NPAS4: variants seen among roughly 807,000 people sequenced by gnomAD.
The protein encoded by NPAS4 is neuronal PAS domain protein 4.
A neutral mutation model predicts 64.0 loss-of-function variants in NPAS4; 10 were observed. The ratio of observed to expected loss-of-function variants is 0.16; its 90% CI spans 0.10 to 0.26. The LOEUF (loss-of-function observed/expected upper bound fraction) is 0.26, where lower values mean the gene tolerates loss of function less well. Ranked by LOEUF, NPAS4 falls within the 10% of genes least tolerant of loss-of-function variation. The pLI, the probability that NPAS4 is intolerant of heterozygous loss-of-function variation, is 1.00. For synonymous variants in NPAS4, 441 were observed against 411.7 expected (o/e 1.07, Z -0.86); for missense variants, 886 against 992.6 (o/e 0.89, Z 1.44).
rs1409677021 is a variant in NPAS4, at chr11:66,422,182, G to T, written c.238G>T (p.Ala80Ser). The T allele has an allele frequency of 3.7e-6, 6 of 1,613,892 alleles. No homozygotes were observed. Among genetic ancestry groups the T allele is most frequent in the Non-Finnish European group, 5.1e-6 (6 of 1,179,966 alleles). Reference sequence around the variant, plus strand: ...TCAAGAGCTTGAGGACATCGTAGCGGCACTACCCGGCTTTCTGCTTGTGTT... The same window carrying T: ...TCAAGAGCTTGAGGACATCGTAGCGTCACTACCCGGCTTTCTGCTTGTGTT... The part of the protein sequence containing the change: ...SAQELEDIVA[A>S]LPGFLLVFTA... Residue 80 changes from alanine to serine, a missense_variant, in exon 2 of 8, where the codon GCA becomes TCA. Ala to Ser is a moderately conservative substitution (Grantham distance 99). Around this residue, in one of 3 missense-constraint regions of NPAS4, gnomAD observed 820 missense variants for 855.5 expected, o/e 0.96. Coordinates refer to ENST00000311034, the MANE Select transcript of NPAS4 (RefSeq NM_178864.4).
chr11:66,422,427 C>A (rs547216404), intron 2 of NPAS4, 24 bp from the exon 3 acceptor site: 2 of 1,561,380 alleles, frequency 1.3e-6, no homozygotes, highest in South Asian at 1.1e-5. Context: ...CCCTAATGGT[C>A]ATCTCTTCTT....
At chr11:66,418,456 CA>C (rs996502068), upstream of NPAS4, among the ~76,000 whole-genome samples, 2 of 152,190 alleles carry the variant, frequency 1.3e-5, no homozygotes, top group East Asian at 3.9e-4. Flanking sequence ...TGGTTCTGCA[CA>C]GTTAAAAATA....
At chr11:66,422,607 C>T in intron 3 of NPAS4, 54 bp downstream of exon 3, 1 of 1,598,972 alleles carries the variant, frequency 6.3e-7, no homozygotes. Context: ...CTGCCCTTCT[C>T]CCCACCATCC....
At chr11:66,415,637 G>A in the NPAS4 span, among the ~76,000 whole-genome samples, 1 of 152,360 alleles carries the variant, frequency 6.6e-6, no homozygotes, top group Non-Finnish European at 1.5e-5. Flanking sequence ...GGAGGCAGCA[G>A]GCTAGATGTG....
chr11:66,425,957 G>T lies in NPAS4; in HGVS notation c.2381-4G>T. 6.2e-7 allele frequency: 1 copy of T among 1,607,882 alleles called. No homozygotes were observed. The highest frequency in any genetic ancestry group is 1.1e-5 in the South Asian group (1 of 90,954). ...TTGTGTTCTCTCTATCTATCTCTCT[G>T]CAGATGGAAGTGGAGGGGAACCAAC... is the stretch of plus-strand genomic sequence containing the variant. On this transcript the variant is annotated splice_region_variant and splice_polypyrimidine_tract_variant and intron_variant, in intron 7 of 7. Transcript: ENST00000311034.
rs1856790529 is a variant in NPAS4, at chr11:66,423,677, C to T, written c.908C>T (p.Pro303Leu). ...WIYCLLYSEG[P>L]EGPITANNYP... ...TACTGCCTGTTATACTCAGAAGGTC[C>T]AGAGGGACCCATTACTGCCAATAAC... Residue 303 changes from proline (P) to leucine (L), a missense_variant, in exon 6 of 8, where the codon CCA becomes CTA. This residue lies in a region of NPAS4 where 820 missense variants were observed against 855.5 expected (regional missense o/e 0.96). Transcript: ENST00000311034. 1 of 1,614,042 alleles carries T rather than the reference C, an allele frequency of 6.2e-7. No individual in the cohort carries two copies. The highest frequency in any genetic ancestry group is 1.3e-5 in the African/African-American group (1 of 74,890).
chr11:66,421,970 A>C (rs1856751168), intron 1 of NPAS4, 150 bp from the exon 2 acceptor site: 1 of 680,762 alleles, frequency 1.5e-6, no homozygotes, highest in Non-Finnish European at 2.5e-6. Flanking sequence ...TTCCCTGGCC[A>C]AGAGCTGCGG....
intron 7 of NPAS4, among the ~76,000 whole-genome samples, chr11:66,425,676 G>A (rs960886764): frequency 1.3e-5 from 2 of 152,134 alleles, no homozygotes; most frequent in African/African-American, 4.8e-5. Context: ...TCCCTGAAGG[G>A]GATACAGAGC....
the NPAS4 span, chr11:66,410,165 G>A: frequency 6.6e-6 from 1 of 152,340 alleles, no homozygotes; most frequent in African/African-American, 2.4e-5. Context: ...CTTCCTGGAG[G>A]CGTTTGACCG....
chr11:66,420,644 C>T (rs1214317698), upstream of NPAS4, among the ~76,000 whole-genome samples: 1 of 152,228 alleles, frequency 6.6e-6, no homozygotes, highest in African/African-American at 2.4e-5. Context: ...CAGTGCCGGC[C>T]CCTCTCTGCC....
chr11:66,423,201 G>T lies in NPAS4; in HGVS notation c.777G>T (p.Leu259=). 1 of 1,609,770 alleles carries T rather than the reference G, an allele frequency of 6.2e-7. No homozygotes were observed. Among genetic ancestry groups the T allele is most frequent in the Non-Finnish European group, 8.5e-7 (1 of 1,177,560 alleles). ...ATGGACTGCTGCACCCCGAGGACCT[G>T]GCCCACGCTTCTGCTCAACACTACC... The part of the protein sequence containing the change: ...SWYGLLHPED[L]AHASAQHYRL... The change falls in exon 5 of 8, where the codon CTG becomes CTT. Residue 259 remains leucine, a synonymous_variant. Coordinates refer to ENST00000311034, the MANE Select transcript of NPAS4 (RefSeq NM_178864.4).
rs1252209741 is a variant in NPAS4, at chr11:66,423,160, C to T, written c.736C>T (p.Leu246Phe). Reference protein sequence around the residue: ...IYLGFERSELLCKSWYGLLHP... With the variant: ...IYLGFERSELFCKSWYGLLHP... ...CCTGGGCTTTGAGCGCAGTGAACTG[C>T]TTTGTAAATCATGGTATGGACTGCT... The change falls in exon 5 of 8, where the codon CTT becomes TTT. Residue 246 changes from leucine to phenylalanine, a missense_variant. By Grantham distance (22) the Leu-to-Phe change is conservative. Around this residue, in one of 3 missense-constraint regions of NPAS4, gnomAD observed 820 missense variants for 855.5 expected, o/e 0.96. Coordinates refer to ENST00000311034, the MANE Select transcript of NPAS4 (RefSeq NM_178864.4). 1 of 1,611,694 alleles carries T rather than the reference C, an allele frequency of 6.2e-7. No individual in the cohort carries two copies. The highest frequency in any genetic ancestry group is 8.5e-7 in the Non-Finnish European group (1 of 1,178,748).
chr11:66,424,218 C>A lies in NPAS4; in HGVS notation c.1328C>A (p.Pro443His). The A allele has an allele frequency of 6.2e-7, 1 of 1,614,014 alleles. No individual in the cohort carries two copies. Among genetic ancestry groups the A allele is most frequent in the Non-Finnish European group, 8.5e-7 (1 of 1,179,980 alleles). ...GCCTTCCTCTTCAGCCTCCATGAGC[C>A]CTTCCAGACCCATTTGCCCACCCCA... ...GCAFLFSLHE[P>H]FQTHLPTPSS... The change falls in exon 7 of 8, where the codon CCC becomes CAC. Residue 443 changes from proline (P) to histidine (H), a missense_variant. Around this residue, in one of 3 missense-constraint regions of NPAS4, gnomAD observed 820 missense variants for 855.5 expected, o/e 0.96. Coordinates refer to ENST00000311034, the MANE Select transcript of NPAS4 (RefSeq NM_178864.4).
At chr11:66,420,773 C>T (rs1472024609), upstream of NPAS4, among the ~76,000 whole-genome samples, 1 of 152,234 alleles carries the variant, frequency 6.6e-6, no homozygotes. Context: ...CCTAACGCAG[C>T]GCCTTCCTCT....
chr11:66,425,895 C>A, intron 7 of NPAS4, 66 bp from the exon 8 acceptor site: 1 of 1,208,252 alleles, frequency 8.3e-7, no homozygotes, highest in Non-Finnish European at 1.2e-6. Context: ...AACACATTCT[C>A]AGCCCCAGGA....
upstream of NPAS4, among the ~76,000 whole-genome samples, chr11:66,417,726 C>A (rs1156387096): frequency 1.3e-5 from 2 of 151,900 alleles, no homozygotes; most frequent in South Asian, 2.1e-4. Flanking sequence ...CAAACACAGA[C>A]ACTGACAGAA....
In NPAS4 at chr11:66,422,287, C is replaced by T. The variant is rs1856756917; in HGVS notation, c.327+16C>T. ...CCACTCCATGGTGAGTGCTAAGGGT[C>T]CTTTCAGCTGAGGCTGGGCATGGAG... On this transcript the variant is annotated intron_variant, in intron 2 of 7. Transcript: ENST00000311034. 1 of 1,613,368 alleles carries T rather than the reference C, an allele frequency of 6.2e-7. No homozygotes were observed. Among genetic ancestry groups the T allele is most frequent in the Non-Finnish European group, 8.5e-7 (1 of 1,179,648 alleles).
chr11:66,421,118 G>C lies in NPAS4; in HGVS notation c.-62G>C. On this transcript the variant is annotated 5_prime_UTR_variant, in exon 1 of 8. Transcript: ENST00000311034. Reference sequence around the variant, plus strand: ...GGAAGCACGGAGGAGGAAGCCGCCGGTGCGTCGGGACGGGAGCGCAGGTGC... The same window carrying C: ...GGAAGCACGGAGGAGGAAGCCGCCGCTGCGTCGGGACGGGAGCGCAGGTGC... 1 of 1,432,372 alleles carries C rather than the reference G, an allele frequency of 7.0e-7. No individual in the cohort carries two copies. Among genetic ancestry groups the C allele is most frequent in the South Asian group, 1.2e-5 (1 of 80,626 alleles). 88.7% of individuals were successfully genotyped at this position (1,432,372 alleles called of 1,614,324 possible).
chr11:66,424,970 C>G lies in NPAS4; in HGVS notation c.2080C>G (p.Leu694Val). ...LDLKPWKCQE[L>V]DFLADPDNMF... Reference sequence around the variant, plus strand: ...CCTGAAACCCTGGAAATGCCAGGAGCTGGACTTCCTGGCTGACCCTGATAA... The same window carrying G: ...CCTGAAACCCTGGAAATGCCAGGAGGTGGACTTCCTGGCTGACCCTGATAA... The change falls in exon 7 of 8, where the codon CTG (leucine) becomes GTG (valine). Residue 694 changes from leucine to valine, a missense_variant. Physicochemically the swap from Leu to Val is conservative, Grantham distance 32. Coordinates refer to ENST00000311034, the MANE Select transcript of NPAS4 (RefSeq NM_178864.4). 2.5e-6 allele frequency: 4 copies of G among 1,614,172 alleles called. No homozygotes were observed. The highest frequency in any genetic ancestry group is 3.4e-6 in the Non-Finnish European group (4 of 1,180,028).
Sources: gnomAD v4.1 joint callset for allele counts (sites outside exome capture counted in the v4.1 genomes callset) on GRCh38, gnomAD v4.1.1 for gene constraint, gnomAD v4.1.1 regional missense constraint, MANE v1.5 for transcripts, NCBI Gene and HGNC (gene_info 2026-07-23, HGNC 2026-07-21) for gene names.